Variants in TAFA1 observed in about 807,000 individuals in gnomAD.
TAFA1 encodes TAFA chemokine like family member 1, also known as chemokine-like protein TAFA-1.
TAFA1 carries 4 observed loss-of-function variants against 18.5 expected under a neutral mutation model. The ratio of observed to expected loss-of-function variants is 0.22; its 90% CI spans 0.11 to 0.49. TAFA1 has a LOEUF of 0.49. Among genes scored for constraint, TAFA1 ranks in the 20% least tolerant of loss-of-function variants. The pLI, the probability that TAFA1 is intolerant of heterozygous loss-of-function variation, is 0.98. For synonymous variants in TAFA1, 56 were observed against 55.2 expected (o/e 1.01, Z -0.06); for missense variants, 147 against 169.0 (o/e 0.87, Z 0.72).
At chr3:68,291,641 C>T in intron 2 of TAFA1, among the ~76,000 whole-genome samples, 1 of 150,480 alleles carries the variant, frequency 6.6e-6, no homozygotes, top group Admixed American at 6.6e-5. Context: ...AAAAACGATC[C>T]ACACGTTAAG....
intron 2 of TAFA1, among the ~76,000 whole-genome samples, chr3:68,252,293 G>A (rs965974558): frequency 3.3e-5 from 5 of 152,022 alleles, no homozygotes; most frequent in African/African-American, 1.2e-4. Context: ...CAGGATTCCT[G>A]AACCCTCAAT....
chr3:68,158,156 T>C (rs2065885848), intron 2 of TAFA1, among the ~76,000 whole-genome samples: 1 of 152,126 alleles, frequency 6.6e-6, no homozygotes, highest in Admixed American at 6.6e-5. Flanking sequence ...CAGTCCCAGA[T>C]TGAGAGGAAA....
At chr3:68,448,874 T>A (rs1417928701) in intron 3 of TAFA1, among the ~76,000 whole-genome samples, 1 of 152,220 alleles carries the variant, frequency 6.6e-6, no homozygotes, top group African/African-American at 2.4e-5. Context: ...CTAGTTGGAA[T>A]GACATTGTGG....
chr3:68,376,358 T>G (rs2069817491), intron 2 of TAFA1, among the ~76,000 whole-genome samples: 2 of 152,028 alleles, frequency 1.3e-5, no homozygotes, highest in South Asian at 2.1e-4. Flanking sequence ...CATCCAGGTA[T>G]TAAGCCCAGT....
At position 68,039,098 on chromosome 3, in the gene TAFA1, G is replaced by A. The variant is rs114503371; in HGVS notation, c.118+32354G>A. On this transcript the variant is annotated intron_variant, in intron 2 of 4. Coordinates refer to ENST00000478136, the MANE Select transcript of TAFA1 (RefSeq NM_213609.4). ...CTACATCCAAGCCCTGCCATCTGCT[G>A]GTCCCCATATCAGCACTAGTTGATT... 6.8e-3 allele frequency among the ~76,000 whole-genome samples: 1,041 copies of A among 152,228 alleles called. 11 individuals carry two copies. The highest frequency in any genetic ancestry group is 0.023 in the African/African-American group (963 of 41,550).
chr3:68,172,921 G>A (rs73834872), intron 2 of TAFA1, among the ~76,000 whole-genome samples: 2,614 of 152,146 alleles, frequency 0.017, 85 homozygotes, highest in African/African-American at 0.059. Context: ...TCTTTAGGGT[G>A]GTAAAATGTT....
At chr3:68,343,518 A>C (rs1208720374) in intron 2 of TAFA1, among the ~76,000 whole-genome samples, 1 of 152,180 alleles carries the variant, frequency 6.6e-6, no homozygotes, top group Non-Finnish European at 1.5e-5. Flanking sequence ...GATTGGCTTA[A>C]GTATGGGGTT....
At chr3:68,335,380 G>T (rs1435872204) in intron 2 of TAFA1, among the ~76,000 whole-genome samples, 2 of 152,156 alleles carry the variant, frequency 1.3e-5, no homozygotes, top group East Asian at 3.9e-4. Flanking sequence ...TGGTACCACT[G>T]CCCATTTTTC....
At chr3:68,258,961 G>T (rs1237097388) in intron 2 of TAFA1, among the ~76,000 whole-genome samples, 1 of 152,170 alleles carries the variant, frequency 6.6e-6, no homozygotes, top group Non-Finnish European at 1.5e-5. Flanking sequence ...GAGTGCCCAC[G>T]CAGTAACTTA....
chr3:68,070,336 T>C (rs1298502891), intron 2 of TAFA1, among the ~76,000 whole-genome samples: 1 of 152,206 alleles, frequency 6.6e-6, no homozygotes, highest in Non-Finnish European at 1.5e-5. Context: ...GCCCGAGCTA[T>C]ACCTTGGCCC....
intron 2 of TAFA1, among the ~76,000 whole-genome samples, chr3:68,111,828 T>C (rs1043840864): frequency 6.6e-6 from 1 of 151,826 alleles, no homozygotes; most frequent in African/African-American, 2.4e-5. Flanking sequence ...GGACAAATTC[T>C]TGGTAGATTG....
chr3:68,347,426 T>C (rs2069181001), intron 2 of TAFA1, among the ~76,000 whole-genome samples: 1 of 152,210 alleles, frequency 6.6e-6, no homozygotes, highest in Non-Finnish European at 1.5e-5. Flanking sequence ...CTGGAAATGG[T>C]TCTCCTGTAG....
At chr3:68,149,280 C>T (rs2065778672) in intron 2 of TAFA1, among the ~76,000 whole-genome samples, 1 of 152,166 alleles carries the variant, frequency 6.6e-6, no homozygotes, top group Non-Finnish European at 1.5e-5. Context: ...AATGTAGAAA[C>T]TCTGTTAGTC....
chr3:68,480,347 G>T (rs2072208142), intron 3 of TAFA1, among the ~76,000 whole-genome samples: 1 of 152,150 alleles, frequency 6.6e-6, no homozygotes, highest in African/African-American at 2.4e-5. Flanking sequence ...AGGTTGCAGT[G>T]AGGCAAGATC....
intron 2 of TAFA1, among the ~76,000 whole-genome samples, chr3:68,212,789 G>T (rs2066611867): frequency 6.6e-6 from 1 of 151,966 alleles, no homozygotes; most frequent in African/African-American, 2.4e-5. Flanking sequence ...TTGGAGAAAG[G>T]GGATGGTTGC....
At chr3:68,104,670 A>C (rs888935232) in intron 2 of TAFA1, among the ~76,000 whole-genome samples, 26 of 152,264 alleles carry the variant, frequency 1.7e-4, no homozygotes, top group Middle Eastern at 3.4e-3. Flanking sequence ...TTTATAAATA[A>C]ATAAATAAAG....
At chr3:68,073,659 A>G (rs2064784709) in intron 2 of TAFA1, among the ~76,000 whole-genome samples, 1 of 152,108 alleles carries the variant, frequency 6.6e-6, no homozygotes, top group African/African-American at 2.4e-5. Context: ...TTGCATCTCT[A>G]TACACAATAT....
At chr3:68,108,974 G>A (rs1166667268) in intron 2 of TAFA1, among the ~76,000 whole-genome samples, 4 of 150,604 alleles carry the variant, frequency 2.7e-5, no homozygotes, top group Non-Finnish European at 5.9e-5. Flanking sequence ...TTTTTCAATT[G>A]CTAATTTATC....
chr3:68,451,193 A>G (rs865900449), intron 3 of TAFA1, among the ~76,000 whole-genome samples: 4 of 152,234 alleles, frequency 2.6e-5, no homozygotes, highest in Non-Finnish European at 5.9e-5. Flanking sequence ...AAAAAATTAC[A>G]TCTGACCACC....
Sources: gnomAD v4.1 joint callset for allele counts (sites outside exome capture counted in the v4.1 genomes callset) on GRCh38, gnomAD v4.1.1 for gene constraint, MANE v1.5 for transcripts, NCBI Gene and HGNC (gene_info 2026-07-23, HGNC 2026-07-21) for gene names.